TNIK: variants seen among roughly 807,000 people sequenced by gnomAD.
TNIK encodes the protein TRAF2 and NCK-interacting protein kinase.
A neutral mutation model predicts 191.3 loss-of-function variants in TNIK; 49 were observed. The ratio of observed to expected loss-of-function variants is 0.26; its 90% confidence interval spans 0.20 to 0.32. The LOEUF (loss-of-function observed/expected upper bound fraction) is 0.32, where lower values mean the gene tolerates loss of function less well. Among genes scored for constraint, TNIK ranks in the 10% least tolerant of loss-of-function variants. TNIK has a pLI of 1.00. For missense variants in TNIK, 1,155 were observed against 1,702.3 expected (o/e 0.68, Z 5.66); for synonymous variants, 594 against 600.9 (o/e 0.99, Z 0.17).
rs73173685 is a variant in TNIK at position 171,451,868 on chromosome 3, C to T, written c.57+8139G>A. Among the ~76,000 whole-genome samples the T allele has an allele frequency of 4.8e-3, 732 of 152,272 alleles. 3 individuals carry two copies. The highest frequency in any genetic ancestry group is 8.4e-3 in the Non-Finnish European group (574 of 68,028). On this transcript the variant is annotated intron_variant, in intron 1 of 32. Transcript: ENST00000436636. The stretch of plus-strand genomic sequence containing the variant: ...GCTGGATACCATGTGCATTTCTTCC[C>T]CTACAGTTAATCACATTTCACAGAA...
intron 2 of TNIK, among the ~76,000 whole-genome samples, chr3:171,266,955 C>T (rs764673785): frequency 8.5e-5 from 13 of 152,172 alleles, no homozygotes; most frequent in Non-Finnish European, 4.4e-5. Context: ...CTCAGATTGC[C>T]ATGTAAAATG....
At chr3:171,175,362 G>T (rs868828277) in intron 8 of TNIK, 32 bp from the exon 9 acceptor site, 11 of 1,578,496 alleles carry the variant, frequency 7.0e-6, no homozygotes, top group East Asian at 6.9e-5. Flanking sequence ...GCCAGCTACA[G>T]TTAGGAGGCC....
At chr3:171,113,998 T>TAAAA (rs10576485) in intron 18 of TNIK, among the ~76,000 whole-genome samples, 8 of 139,448 alleles carry the variant, frequency 5.7e-5, no homozygotes, top group African/African-American at 1.9e-4. Context: ...ACGATTTTGT[T>TAAAA]AAAAAAAAAA....
chr3:171,140,348 G>A (rs1576938933), intron 13 of TNIK, 51 bp downstream of exon 13: 13 of 1,447,004 alleles, frequency 9.0e-6, no homozygotes, highest in Non-Finnish European at 1.2e-5. Context: ...GAGAAGGCTG[G>A]TGCTGGGGTC....
intron 2 of TNIK, among the ~76,000 whole-genome samples, chr3:171,241,112 C>A (rs1317023567): frequency 6.6e-6 from 1 of 151,686 alleles, no homozygotes; most frequent in Non-Finnish European, 1.5e-5. Context: ...CTCACCGCAA[C>A]CTCCACCTCC....
At position 171,283,435 on chromosome 3, in the gene TNIK, A is replaced by C. The variant is rs1750692149; in HGVS notation, c.124-55214T>G. ...AGGAAGGGGATCGCCAAAACCATTC[A>C]CTTAGGGGAATTTCAAACTTTGGTG... On this transcript the variant is annotated intron_variant, in intron 2 of 32. Transcript: ENST00000436636. Among the ~76,000 whole-genome samples the C allele has an allele frequency of 2.0e-5, 3 of 152,200 alleles. No individual in the cohort carries two copies. The South Asian group carries it at 6.2e-4, about 32-fold the overall frequency.
At chr3:171,174,716 G>A (rs752506143) in intron 9 of TNIK, among the ~76,000 whole-genome samples, 10 of 152,160 alleles carry the variant, frequency 6.6e-5, no homozygotes, top group Non-Finnish European at 1.2e-4. Context: ...AAAAGGAAAA[G>A]TTAAATCGCT....
chr3:171,095,358 G>A, intron 22 of TNIK, among the ~76,000 whole-genome samples: 1 of 152,200 alleles, frequency 6.6e-6, no homozygotes. Flanking sequence ...ACACACCACA[G>A]GTTGAGGTTG....
intron 24 of TNIK, among the ~76,000 whole-genome samples, chr3:171,086,046 C>G (rs1298799433): frequency 6.6e-6 from 1 of 152,066 alleles, no homozygotes; most frequent in African/African-American, 2.4e-5. Flanking sequence ...TCAGTCATGT[C>G]CATTTCTTCT....
chr3:171,448,783 G>A (rs1262291769), intron 1 of TNIK, among the ~76,000 whole-genome samples: 4 of 151,822 alleles, frequency 2.6e-5, no homozygotes, highest in Admixed American at 6.6e-5. Flanking sequence ...TTTGAGTTCC[G>A]GGATACATGT....
chr3:171,126,788 C>T (rs575616262), intron 16 of TNIK, among the ~76,000 whole-genome samples: 5 of 152,310 alleles, frequency 3.3e-5, no homozygotes, highest in Middle Eastern at 3.4e-3. Context: ...TCTATGCTGT[C>T]GTATTATCTC....
chr3:171,440,637 A>G (rs548305580), intron 1 of TNIK, among the ~76,000 whole-genome samples: 1 of 152,266 alleles, frequency 6.6e-6, no homozygotes, highest in Non-Finnish European at 1.5e-5. Context: ...ACGAGCAGGC[A>G]TTCATTTCAT....
chr3:171,273,442 G>C (rs1749368545), intron 2 of TNIK, among the ~76,000 whole-genome samples: 1 of 152,152 alleles, frequency 6.6e-6, no homozygotes, highest in Non-Finnish European at 1.5e-5. Flanking sequence ...GCTGGGGTAG[G>C]GGTGATGCAA....
intron 12 of TNIK, among the ~76,000 whole-genome samples, chr3:171,147,176 C>T (rs1217039631): frequency 6.6e-6 from 1 of 152,128 alleles, no homozygotes; most frequent in Non-Finnish European, 1.5e-5. Flanking sequence ...CTGTGGAAGA[C>T]CCGAGTTGGC....
chr3:171,244,896 A>C (rs1007139404), intron 2 of TNIK, among the ~76,000 whole-genome samples: 1 of 151,776 alleles, frequency 6.6e-6, no homozygotes, highest in Admixed American at 6.6e-5. Context: ...CTAGATTTCA[A>C]CAAAAGGCTT....
intron 1 of TNIK, among the ~76,000 whole-genome samples, chr3:171,435,121 G>T (rs1022005159): frequency 6.6e-6 from 1 of 152,162 alleles, no homozygotes. Context: ...GCAAACCTAA[G>T]TATCACAGTC....
intron 2 of TNIK, among the ~76,000 whole-genome samples, chr3:171,325,877 A>C (rs1417735679): frequency 6.6e-6 from 1 of 152,164 alleles, no homozygotes; most frequent in African/African-American, 2.4e-5. Flanking sequence ...AAAGAGACAA[A>C]CTTTGCTGAC....
At chr3:171,387,444 T>A (rs1247619400) in intron 1 of TNIK, among the ~76,000 whole-genome samples, 1 of 152,186 alleles carries the variant, frequency 6.6e-6, no homozygotes, top group East Asian at 1.9e-4. Context: ...TACAGCCACA[T>A]CTCCAAAACC....
At chr3:171,146,412 G>A (rs1162810146) in intron 12 of TNIK, among the ~76,000 whole-genome samples, 1 of 152,082 alleles carries the variant, frequency 6.6e-6, no homozygotes, top group Non-Finnish European at 1.5e-5. Context: ...CCATTATATG[G>A]ACCCAAGTGA....
Sources: gnomAD v4.1 joint callset for allele counts (sites outside exome capture counted in the v4.1 genomes callset) on GRCh38, gnomAD v4.1.1 for gene constraint, MANE v1.5 for transcripts, NCBI Gene and HGNC (gene_info 2026-07-23, HGNC 2026-07-21) for gene names.